Variants in WWOX observed in about 807,000 individuals in gnomAD.
WWOX encodes the protein WW domain containing oxidoreductase, also known as WW domain-containing oxidoreductase.
A neutral mutation model predicts 46.2 loss-of-function variants in WWOX; 69 were observed. The ratio of observed to expected loss-of-function variants is 1.49; its 90% CI spans 1.23 to 1.82. The LOEUF (loss-of-function observed/expected upper bound fraction) is 1.82, where lower values mean the gene tolerates loss of function less well. WWOX is among the 40% of genes most tolerant of loss of function. The probability of loss-of-function intolerance (pLI) is 0.00; values close to 1 mark genes in which losing one functional copy is unlikely to be tolerated. For synonymous variants in WWOX, 359 were observed against 202.6 expected, an observed-to-expected ratio of 1.77 and a Z score of -6.56; for missense variants, 919 against 542.6, an observed-to-expected ratio of 1.69 and a Z score of -6.89.
chr16:78,997,751 G>C (rs1226436756), intron 8 of WWOX, among the ~76,000 whole-genome samples: 1 of 152,006 alleles, frequency 6.6e-6, no homozygotes, highest in Non-Finnish European at 1.5e-5. Context: ...GCTGGCTTTA[G>C]AGAGGATAGC....
intron 5 of WWOX, among the ~76,000 whole-genome samples, chr16:78,304,928 T>A (rs140463571): frequency 6.2e-4 from 94 of 152,044 alleles, no homozygotes; most frequent in Non-Finnish European, 1.2e-3. Flanking sequence ...TCTCTTTCCT[T>A]CCTCTTTTCC....
intron 5 of WWOX, among the ~76,000 whole-genome samples, chr16:78,318,390 G>C (rs549599190): frequency 1.3e-5 from 2 of 151,632 alleles, no homozygotes; most frequent in African/African-American, 4.8e-5. Context: ...TGTGAGCCGA[G>C]ATTGCGTCAC....
chr16:78,362,107 C>A (rs1236504154), intron 5 of WWOX, among the ~76,000 whole-genome samples: 2 of 151,926 alleles, frequency 1.3e-5, no homozygotes, highest in African/African-American at 4.8e-5. Context: ...CTTCCTCACT[C>A]CCCACTTTTT....
chr16:78,413,552 G>A (rs139008773), intron 6 of WWOX, among the ~76,000 whole-genome samples: 2 of 152,204 alleles, frequency 1.3e-5, no homozygotes, highest in East Asian at 3.9e-4. Context: ...GATCAGTTAG[G>A]TAGGGACAGA....
chr16:78,899,938 G>T (rs2044787527), intron 8 of WWOX, among the ~76,000 whole-genome samples: 1 of 152,018 alleles, frequency 6.6e-6, no homozygotes, highest in Admixed American at 6.6e-5. Context: ...GTTCCATGAA[G>T]CTGTACCCTT....
intron 8 of WWOX, among the ~76,000 whole-genome samples, chr16:78,834,598 G>C (rs548368942): frequency 3.3e-5 from 5 of 152,162 alleles, no homozygotes; most frequent in African/African-American, 9.7e-5. Context: ...TGATCAGAAA[G>C]TACAGCGTAG....
chr16:78,833,051 T>A (rs897776204), intron 8 of WWOX, among the ~76,000 whole-genome samples: 1 of 124,368 alleles, frequency 8.0e-6, no homozygotes, highest in Non-Finnish European at 1.8e-5. Flanking sequence ...TTTTTTTTTT[T>A]CCTTTCTTAA....
chr16:78,838,074 C>T (rs1416702869), intron 8 of WWOX, among the ~76,000 whole-genome samples: 1 of 152,108 alleles, frequency 6.6e-6, no homozygotes, highest in Non-Finnish European at 1.5e-5. Context: ...TGGCTGTGTG[C>T]CTTCTGCTTT....
chr16:78,906,723 C>T (rs1170983392), intron 8 of WWOX, among the ~76,000 whole-genome samples: 1 of 152,160 alleles, frequency 6.6e-6, no homozygotes, highest in Admixed American at 6.5e-5. Context: ...TGGATGTGCC[C>T]AGTTTAAGCT....
chr16:78,676,442 A>G (rs1228072214), intron 8 of WWOX, among the ~76,000 whole-genome samples: 1 of 149,840 alleles, frequency 6.7e-6, no homozygotes, highest in East Asian at 2.0e-4. Flanking sequence ...TTCCTGTTGC[A>G]GAAATTGGAT....
intron 8 of WWOX, among the ~76,000 whole-genome samples, chr16:78,512,952 C>T (rs1898923788): frequency 6.6e-6 from 1 of 152,186 alleles, no homozygotes; most frequent in African/African-American, 2.4e-5. Context: ...GTGAAAAGAG[C>T]CCTGCATATG....
In WWOX at chr16:79,105,061, A is replaced by C. The variant is rs188305501; in HGVS notation, c.1057-106547A>C. ...AGTTTTCAGTTTACAAAAGTGGAAAATGTGATATGACAGACTGGAACCAGC... is the reference window on the plus strand; with the variant it reads ...AGTTTTCAGTTTACAAAAGTGGAAACTGTGATATGACAGACTGGAACCAGC... On this transcript the variant is annotated intron_variant, in intron 8 of 8. Coordinates refer to ENST00000566780, the MANE Select transcript of WWOX (RefSeq NM_016373.4). 7.2e-5 allele frequency among the ~76,000 whole-genome samples: 11 copies of C among 152,160 alleles called. No individual in the cohort carries two copies. In the East Asian group the frequency reaches 1.9e-3, roughly 27 times the overall value.
At chr16:78,307,879 T>TA (rs909296196) in intron 5 of WWOX, among the ~76,000 whole-genome samples, 65 of 151,672 alleles carry the variant, frequency 4.3e-4, no homozygotes, top group Middle Eastern at 3.4e-3. Flanking sequence ...GACTGTACCT[T>TA]AAAAAAAAAT....
chr16:78,385,213 C>T (rs1300802329), intron 5 of WWOX, among the ~76,000 whole-genome samples: 1 of 150,590 alleles, frequency 6.6e-6, no homozygotes, highest in Admixed American at 6.6e-5. Context: ...AGGATCCTTC[C>T]CTCAGTAATC....
intron 5 of WWOX, among the ~76,000 whole-genome samples, chr16:78,304,421 C>T (rs2080096403): frequency 6.6e-6 from 1 of 152,168 alleles, no homozygotes; most frequent in Admixed American, 6.5e-5. Context: ...TCTGCAGAGG[C>T]TTCTAGAATT....
chr16:78,954,945 A>G (rs2046134929), intron 8 of WWOX, among the ~76,000 whole-genome samples: 1 of 152,124 alleles, frequency 6.6e-6, no homozygotes, highest in Admixed American at 6.5e-5. Flanking sequence ...ACGGGACACC[A>G]TGCCAGTCTA....
chr16:78,619,919 T>C (rs995267389), intron 8 of WWOX, among the ~76,000 whole-genome samples: 1 of 151,886 alleles, frequency 6.6e-6, no homozygotes, highest in African/African-American at 2.4e-5. Context: ...AATAAATAAA[T>C]AAATAAAAAT....
At chr16:78,740,317 G>A (rs541224765) in intron 8 of WWOX, among the ~76,000 whole-genome samples, 1 of 152,148 alleles carries the variant, frequency 6.6e-6, no homozygotes, top group Non-Finnish European at 1.5e-5. Flanking sequence ...TTACCCGTCG[G>A]GGGGCTCCTG....
intron 8 of WWOX, among the ~76,000 whole-genome samples, chr16:78,955,134 C>G (rs981128707): frequency 1.3e-5 from 2 of 152,048 alleles, no homozygotes; most frequent in Non-Finnish European, 2.9e-5. Context: ...AATTTTGGCC[C>G]ACAGGAAAAG....
Sources: gnomAD v4.1 joint callset for allele counts (sites outside exome capture counted in the v4.1 genomes callset) on GRCh38, gnomAD v4.1.1 for gene constraint, MANE v1.5 for transcripts, NCBI Gene and HGNC (gene_info 2026-07-23, HGNC 2026-07-21) for gene names.